EVC: variants seen among roughly 807,000 people sequenced by gnomAD.
EVC encodes evC complex member EVC.
A neutral mutation model predicts 118.9 loss-of-function variants in EVC; 116 were observed. The observed-to-expected ratio is 0.98, with a 90% CI of 0.84 to 1.14. The LOEUF is 1.14. Among genes scored for constraint, EVC ranks in the 50% most tolerant of loss-of-function variants. EVC has a pLI of 0.00. For missense variants in EVC, 1,401 were observed against 1,246.4 expected (o/e 1.12, Z -1.87); for synonymous variants, 619 against 534.7 (o/e 1.16, Z -2.18).
chr4:5,722,584 G>T (rs960783775), intron 2 of EVC, among the ~76,000 whole-genome samples: 1 of 152,082 alleles, frequency 6.6e-6, no homozygotes, highest in Admixed American at 6.6e-5. Flanking sequence ...CATCTCAGCC[G>T]AAAACAAACA....
intron 11 of EVC, among the ~76,000 whole-genome samples, chr4:5,778,023 G>A (rs895325943): frequency 7.1e-6 from 1 of 140,464 alleles, no homozygotes; most frequent in African/African-American, 2.7e-5. Flanking sequence ...AGAGTGTGAT[G>A]TTCCCCTTCC....
rs1037106456 is a variant in EVC at position 5,764,259 on chromosome 4, A to T, written c.1563+7897A>T. ...GCATCCCAGGGAAGAAGCCCACTTG[A>T]TCATGGTGGATAAGCTTTTTGATGT... On this transcript the variant is annotated intron_variant, in intron 11 of 20. Transcript: ENST00000264956. 5.6e-4 allele frequency among the ~76,000 whole-genome samples: 79 copies of T among 141,660 alleles called. 1 individual carries two copies. The highest frequency in any genetic ancestry group is 9.7e-4 in the Admixed American group (14 of 14,454). 92.9% of individuals were successfully genotyped at this position (141,660 alleles called of 152,430 possible). A position where few individuals can be genotyped will look rare whatever the true frequency, so the allele number is the denominator to read the frequency against.
intron 17 of EVC, among the ~76,000 whole-genome samples, chr4:5,805,982 A>G (rs1292108786): frequency 1.4e-5 from 2 of 147,512 alleles, no homozygotes; most frequent in Non-Finnish European, 3.0e-5. Flanking sequence ...TATTGTAACC[A>G]TCACCCAAAT....
intron 2 of EVC, among the ~76,000 whole-genome samples, chr4:5,720,254 C>A (rs1348131956): frequency 6.6e-6 from 1 of 152,176 alleles, no homozygotes; most frequent in Non-Finnish European, 1.5e-5. Flanking sequence ...ACACCTCTCA[C>A]CTGTGAGTGA....
intron 2 of EVC, among the ~76,000 whole-genome samples, chr4:5,720,100 G>A (rs1724693350): frequency 6.6e-6 from 1 of 152,164 alleles, no homozygotes; most frequent in South Asian, 2.1e-4. Flanking sequence ...ATCGCTTTCT[G>A]GGTGAGCCCC....
chr4:5,782,061 C>A (rs952505690), intron 11 of EVC, among the ~76,000 whole-genome samples: 14 of 151,862 alleles, frequency 9.2e-5, no homozygotes, highest in Admixed American at 5.2e-4. Flanking sequence ...TGTAAAGTTC[C>A]ATGTTTTTTG....
At chr4:5,796,971 CT>C in intron 13 of EVC, 50 bp from the exon 14 acceptor site, 2 of 1,394,944 alleles carry the variant, frequency 1.4e-6, no homozygotes, top group African/African-American at 2.8e-5. Context: ...TTGTCACTGG[CT>C]TCGTGAAGCC....
rs1728622079 is a variant in EVC, at chr4:5,741,777, A to G, written c.764A>G (p.Asp255Gly). ...CTTCTTCCTAAAAAGAAGTCAGATG[A>G]TGAACTATACCAGAAGATCCTTTCA... Reference protein sequence around the residue: ...LDLLPKKKSDDELYQKILSKQ... With the variant: ...LDLLPKKKSDGELYQKILSKQ... Residue 255 changes from aspartate (D) to glycine (G), a missense_variant, in exon 6 of 21, where the codon GAT becomes GGT. Transcript: ENST00000264956. The G allele has an allele frequency of 1.9e-6, 3 of 1,562,740 alleles. No individual in the cohort carries two copies. The highest frequency in any genetic ancestry group is 1.8e-4 in the Middle Eastern group (1 of 5,642).
chr4:5,825,312 C>T, the EVC span: 1 of 985,290 alleles, frequency 1.0e-6, no homozygotes, highest in Non-Finnish European at 1.2e-6. This position sits in a 1 kb window ranked among gnomAD's most constrained non-coding sequence, Gnocchi z 4.4. Flanking sequence ...CCCCCCTCTG[C>T]TTGGTGACCA....
At chr4:5,825,086 C>T in the EVC span, 2 of 985,392 alleles carry the variant, frequency 2.0e-6, no homozygotes, top group East Asian at 1.1e-4. This position sits in a 1 kb window ranked among gnomAD's most constrained non-coding sequence, Gnocchi z 4.4. Context: ...TAGTACACTG[C>T]AGTGGGTGAA....
intron 1 of EVC, among the ~76,000 whole-genome samples, chr4:5,715,612 A>G (rs1397268904): frequency 6.6e-6 from 1 of 152,058 alleles, no homozygotes; most frequent in Non-Finnish European, 1.5e-5. Flanking sequence ...TCAAAAAGGG[A>G]TGGATGCAAC....
chr4:5,712,061 G>C (rs1291217366), intron 1 of EVC, among the ~76,000 whole-genome samples: 1 of 152,220 alleles, frequency 6.6e-6, no homozygotes, highest in African/African-American at 2.4e-5. Context: ...CTGGCCTAGG[G>C]ACGACATTCA....
chr4:5,759,535 T>A (rs765066243), intron 11 of EVC, among the ~76,000 whole-genome samples: 11 of 152,168 alleles, frequency 7.2e-5, no homozygotes, highest in Non-Finnish European at 1.3e-4. Context: ...AGCATTCTCC[T>A]CCTCACCCCC....
At chr4:5,759,134 CAT>C (rs1183556978) in intron 11 of EVC, among the ~76,000 whole-genome samples, 9 of 151,944 alleles carry the variant, frequency 5.9e-5, no homozygotes, top group Non-Finnish European at 2.9e-5. Flanking sequence ...TCATACGTCA[CAT>C]GTCTCATTAG....
At chr4:5,809,276 G>C (rs1716501397) in intron 18 of EVC, among the ~76,000 whole-genome samples, 1 of 152,174 alleles carries the variant, frequency 6.6e-6, no homozygotes, top group South Asian at 2.1e-4. Flanking sequence ...AGTGTACTCT[G>C]TCAACTGAAG....
chr4:5,806,027 ACTCCC>A (rs1715846682), intron 17 of EVC, among the ~76,000 whole-genome samples: 1 of 133,680 alleles, frequency 7.5e-6, no homozygotes, highest in Non-Finnish European at 1.6e-5. Context: ...CTCATCATCC[ACTCCC>A]CTCCCATCGT....
intron 11 of EVC, among the ~76,000 whole-genome samples, chr4:5,769,152 ACG>A (rs1491059094): frequency 4.0e-5 from 5 of 124,828 alleles, no homozygotes; most frequent in Admixed American, 8.9e-5. Flanking sequence ...TCACAGTTCC[ACG>A]TGGCTGGGGA....
At position 5,783,549 on chromosome 4, in the gene EVC, C is replaced by T. The variant is rs747435572; in HGVS notation, c.1564-3C>T. ...TAACCCCATCTGTGGTTCTCCGCTCCAGGAGCTGTACTTCAGCACCGTGGA... is the reference window on the plus strand; with the variant it reads ...TAACCCCATCTGTGGTTCTCCGCTCTAGGAGCTGTACTTCAGCACCGTGGA... On this transcript the variant is annotated splice_region_variant and splice_polypyrimidine_tract_variant and intron_variant, in intron 11 of 20. Transcript: ENST00000264956. 2 of 1,614,080 alleles carry T rather than the reference C, an allele frequency of 1.2e-6. No homozygotes were observed. The highest frequency in any genetic ancestry group is 8.5e-7 in the Non-Finnish European group (1 of 1,179,966).
At chr4:5,745,161 TTTTC>T (rs1184422016) in intron 6 of EVC, 39 bp from the exon 7 acceptor site, 2 of 1,597,182 alleles carry the variant, frequency 1.3e-6, no homozygotes, top group Non-Finnish European at 1.7e-6. Context: ...ACGCTAAACT[TTTTC>T]TTTGTTTATT....
Sources: gnomAD v4.1 joint callset for allele counts (sites outside exome capture counted in the v4.1 genomes callset) on GRCh38, gnomAD v4.1.1 for gene constraint, Gnocchi (gnomAD v3.1) non-coding constraint, MANE v1.5 for transcripts, NCBI Gene and HGNC (gene_info 2026-07-23, HGNC 2026-07-21) for gene names.